RAB6A: variants seen among roughly 807,000 people sequenced by gnomAD.
RAB6A encodes ras-related protein Rab-6A.
Under a neutral mutation model 32.3 loss-of-function variants are expected in RAB6A, and 8 were observed. The ratio of observed to expected loss-of-function variants is 0.25; its 90% confidence interval spans 0.15 to 0.45. RAB6A has a LOEUF of 0.45. Among genes scored for constraint, RAB6A ranks in the 20% least tolerant of loss-of-function variants. The pLI is 1.00. For missense variants in RAB6A, 104 were observed against 249.4 expected, an observed-to-expected ratio of 0.42 and a Z score of 3.93; for synonymous variants, 73 against 82.1, an observed-to-expected ratio of 0.89 and a Z score of 0.60.
intron 6 of RAB6A, among the ~76,000 whole-genome samples, chr11:73,690,684 C>T (rs1301245292): frequency 7.2e-6 from 1 of 138,542 alleles, no homozygotes; most frequent in African/African-American, 2.7e-5. Context: ...CTTCGAAATA[C>T]CATGTAACAT....
At chr11:73,747,096 G>A (rs754391513) in intron 1 of RAB6A, among the ~76,000 whole-genome samples, 5 of 151,490 alleles carry the variant, frequency 3.3e-5, no homozygotes, top group Non-Finnish European at 5.9e-5. Context: ...CCAGCCATAC[G>A]ACTGTTTTAA....
chr11:73,731,694 A>G (rs914949903), intron 1 of RAB6A, among the ~76,000 whole-genome samples: 1 of 6,216 alleles, frequency 1.6e-4, no homozygotes, highest in African/African-American at 3.8e-4. Context: ...TTATATATAT[A>G]TATATATATA....
chr11:73,721,847 C>T (rs1946136556), intron 2 of RAB6A, among the ~76,000 whole-genome samples: 1 of 152,064 alleles, frequency 6.6e-6, no homozygotes, highest in Non-Finnish European at 1.5e-5. Flanking sequence ...TTTTAAGTTC[C>T]TAAAAAACAA....
chr11:73,749,240 T>G (rs1048251846), intron 1 of RAB6A, among the ~76,000 whole-genome samples: 4 of 152,214 alleles, frequency 2.6e-5, no homozygotes, highest in African/African-American at 9.6e-5. Context: ...AGACCATTAC[T>G]AAGTGAAGTA....
chr11:73,736,995 A>G (rs980121707), intron 1 of RAB6A, among the ~76,000 whole-genome samples: 75 of 149,640 alleles, frequency 5.0e-4, no homozygotes, highest in African/African-American at 1.4e-3. Flanking sequence ...AAAAAAAAAA[A>G]AAGAAGAAAG....
intron 1 of RAB6A, among the ~76,000 whole-genome samples, chr11:73,732,262 T>TC (rs1388398549): frequency 1.1e-4 from 17 of 152,030 alleles, no homozygotes; most frequent in African/African-American, 3.9e-4. Context: ...TCTCCAATAC[T>TC]CCCAAAATGT....
rs115715603 is a variant in RAB6A, at chr11:73,751,556, A to G, written c.70+9010T>C. Among the ~76,000 whole-genome samples the G allele has an allele frequency of 5.3e-3, 803 of 152,280 alleles. 7 individuals are homozygous for G. Among genetic ancestry groups the G allele is most frequent in the African/African-American group, 0.018 (730 of 41,554 alleles). ...GCTAAAAACAGAAGGAAGGGATGAA[A>G]GTCTATTTAACAAGTAGATTAACAC... On this transcript the variant is annotated intron_variant, in intron 1 of 7. Transcript: ENST00000336083.
rs376526451 is a variant in RAB6A, at chr11:73,760,659, C to T, written c.-24G>A. The T allele has an allele frequency of 1.4e-4, 230 of 1,600,084 alleles. No individual in the cohort carries two copies. In the African/African-American group the frequency reaches 2.7e-3, roughly 19 times the overall value. On this transcript the variant is annotated 5_prime_UTR_variant, in exon 1 of 8. Coordinates refer to ENST00000336083, the MANE Select transcript of RAB6A (RefSeq NM_198896.2). ...ATTGTGGAACTAGAGGAGCGGCCGC[C>T]GCCTCAGCCTAGAGACCTCCCGGAC... is the stretch of plus-strand genomic sequence containing the variant.
At chr11:73,749,261 G>A (rs1017770952) in intron 1 of RAB6A, among the ~76,000 whole-genome samples, 1 of 152,186 alleles carries the variant, frequency 6.6e-6, no homozygotes, top group African/African-American at 2.4e-5. Context: ...ACTCAGGAAT[G>A]GAAAATCAAA....
chr11:73,758,445 C>T (rs1946793983), intron 1 of RAB6A, among the ~76,000 whole-genome samples: 1 of 152,104 alleles, frequency 6.6e-6, no homozygotes, highest in African/African-American at 2.4e-5. Context: ...GAACTCTACA[C>T]TATCTTTTCA....
At chr11:73,715,211 C>G (rs114943220) in intron 5 of RAB6A, among the ~76,000 whole-genome samples, 1,576 of 152,152 alleles carry the variant, frequency 0.01, 26 homozygotes, top group African/African-American at 0.036. Flanking sequence ...ACTGCAACCT[C>G]CGCTCCCCTG....
chr11:73,747,066 A>C (rs1946599608), intron 1 of RAB6A, among the ~76,000 whole-genome samples: 1 of 150,464 alleles, frequency 6.6e-6, no homozygotes, highest in Non-Finnish European at 1.5e-5. Context: ...TGCTGGGATT[A>C]CAGACATGAG....
In RAB6A at chr11:73,677,572, T is replaced by C. The variant is rs996475637; in HGVS notation, c.*326A>G. 3.5e-6 allele frequency: 2 copies of C among 569,840 alleles called. No individual in the cohort carries two copies. The highest frequency in any genetic ancestry group is 6.2e-6 in the Non-Finnish European group (2 of 325,202). The allele number at this position is 569,840 out of a possible 1,614,324, so 35.3% of individuals were successfully genotyped here. On this transcript the variant is annotated 3_prime_UTR_variant, in exon 8 of 8. Coordinates refer to ENST00000336083, the MANE Select transcript of RAB6A (RefSeq NM_198896.2). ...CTCGTTAACCAAGCCATACTCATAC[T>C]GTTGAGATTTCCATCATTTTGAAGT... is the stretch of plus-strand genomic sequence containing the variant.
intron 6 of RAB6A, among the ~76,000 whole-genome samples, chr11:73,696,246 G>A (rs1261689920): frequency 2.6e-5 from 4 of 152,060 alleles, no homozygotes; most frequent in Admixed American, 2.0e-4. Flanking sequence ...CACCCAGGCT[G>A]GAGTGCAGTG....
In RAB6A at chr11:73,716,372, G is replaced by C. The variant is rs751685774; in HGVS notation, c.290-10C>G. 5.0e-6 allele frequency: 8 copies of C among 1,592,326 alleles called. No individual in the cohort carries two copies. Among genetic ancestry groups the C allele is most frequent in the Non-Finnish European group, 2.6e-6 (3 of 1,160,792 alleles). On this transcript the variant is annotated splice_polypyrimidine_tract_variant and intron_variant, in intron 4 of 7. Transcript: ENST00000336083. ...TGGAATGAGTTAACATCTAGTATAG[G>C]AGGGTAGACAGAGAGATTAGTGTTG... is the stretch of plus-strand genomic sequence containing the variant.
intron 1 of RAB6A, among the ~76,000 whole-genome samples, chr11:73,736,437 A>C (rs1361621790): frequency 6.6e-6 from 1 of 151,382 alleles, no homozygotes; most frequent in Non-Finnish European, 1.5e-5. Context: ...TCCAAAAAAA[A>C]AAGAAAAAGA....
rs2135029683 is a variant in RAB6A, at chr11:73,760,667, C to T, written c.-32G>A. On this transcript the variant is annotated 5_prime_UTR_variant, in exon 1 of 8. Transcript: ENST00000336083. The stretch of plus-strand genomic sequence containing the variant: ...ACTAGAGGAGCGGCCGCCGCCTCAG[C>T]CTAGAGACCTCCCGGACCGATGCTG... 1 of 1,595,534 alleles carries T rather than the reference C, an allele frequency of 6.3e-7. No homozygotes were observed. Among genetic ancestry groups the T allele is most frequent in the Non-Finnish European group, 8.5e-7 (1 of 1,171,532 alleles).
At chr11:73,741,150 C>T (rs1946490165) in intron 1 of RAB6A, among the ~76,000 whole-genome samples, 1 of 151,100 alleles carries the variant, frequency 6.6e-6, no homozygotes, top group Non-Finnish European at 1.5e-5. Flanking sequence ...CTTCCCCCCA[C>T]CCCCCCAACA....
intron 1 of RAB6A, among the ~76,000 whole-genome samples, chr11:73,758,788 C>A (rs1946798305): frequency 6.6e-6 from 1 of 152,092 alleles, no homozygotes; most frequent in African/African-American, 2.4e-5. Context: ...CACTTTGGAT[C>A]CTTTTTATCA....
Sources: allele counts gnomAD v4.1 joint callset (sites outside exome capture counted in the v4.1 genomes callset), GRCh38; gene constraint gnomAD v4.1.1; transcripts MANE v1.5; gene names NCBI Gene and HGNC (gene_info 2026-07-23, HGNC 2026-07-21).